RASGRP3: variants seen among roughly 807,000 people sequenced by gnomAD.
RASGRP3 encodes RAS guanyl releasing protein 3, also known as ras guanyl-releasing protein 3.
RASGRP3 carries 54 observed loss-of-function variants against 82.7 expected under a neutral mutation model. That is an observed-to-expected ratio of 0.65 (90% CI 0.52 to 0.82). The LOEUF is 0.82. Ranked by LOEUF, RASGRP3 falls within the 40% of genes least tolerant of loss-of-function variation. The pLI, the probability that RASGRP3 is intolerant of heterozygous loss-of-function variation, is 0.00. For synonymous variants in RASGRP3, 309 were observed against 300.5 expected, an observed-to-expected ratio of 1.03 and a Z score of -0.29; for missense variants, 861 against 828.9, an observed-to-expected ratio of 1.04 and a Z score of -0.48.
chr2:33,562,392 C>A (rs1676770736), intron 17 of RASGRP3, among the ~76,000 whole-genome samples: 1 of 151,976 alleles, frequency 6.6e-6, no homozygotes, highest in African/African-American at 2.4e-5. Context: ...CTCAGCCTCC[C>A]AAGTAGCTGG....
At chr2:33,478,594 C>G (rs1667590469) in intron 1 of RASGRP3, among the ~76,000 whole-genome samples, 1 of 152,124 alleles carries the variant, frequency 6.6e-6, no homozygotes, top group Non-Finnish European at 1.5e-5. Flanking sequence ...TTGAAAAACC[C>G]ATGCCTTTTC....
At chr2:33,561,499 A>G (rs1323853964) in intron 17 of RASGRP3, among the ~76,000 whole-genome samples, 1 of 152,216 alleles carries the variant, frequency 6.6e-6, no homozygotes, top group Non-Finnish European at 1.5e-5. Flanking sequence ...GTACCATTCA[A>G]ATCAGTAACA....
chr2:33,478,176 G>A (rs1384899612), intron 1 of RASGRP3, among the ~76,000 whole-genome samples: 4 of 152,140 alleles, frequency 2.6e-5, no homozygotes, highest in Admixed American at 1.3e-4. Context: ...AAGCAGTTTC[G>A]GATGCCCTGT....
At chr2:33,557,709 C>T (rs1370606029) in intron 15 of RASGRP3, among the ~76,000 whole-genome samples, 6 of 135,808 alleles carry the variant, frequency 4.4e-5, no homozygotes, top group African/African-American at 1.7e-4. Context: ...GACTCCATCT[C>T]GAAAAAAAAA....
chr2:33,521,819 C>T, intron 6 of RASGRP3, 136 bp from the exon 7 acceptor site: 12 of 1,066,428 alleles, frequency 1.1e-5, no homozygotes, highest in South Asian at 1.7e-5. Context: ...TTTTCTCTTC[C>T]AATATGAAAG....
intron 2 of RASGRP3, among the ~76,000 whole-genome samples, chr2:33,448,774 A>G (rs568041463): frequency 2.0e-5 from 3 of 152,282 alleles, no homozygotes; most frequent in South Asian, 2.1e-4. Context: ...TGTAATTAAT[A>G]CCACTGAATA....
chr2:33,544,307 C>G (rs570030968), intron 13 of RASGRP3, among the ~76,000 whole-genome samples: 5 of 151,480 alleles, frequency 3.3e-5, no homozygotes, highest in African/African-American at 1.2e-4. Context: ...GAGTGAGACT[C>G]TGTCTCAAAA....
At chr2:33,496,453 T>C (rs1390835147) in intron 1 of RASGRP3, among the ~76,000 whole-genome samples, 1 of 152,200 alleles carries the variant, frequency 6.6e-6, no homozygotes, top group Non-Finnish European at 1.5e-5. Flanking sequence ...GTGAATATGG[T>C]CCTTAATAAA....
At chr2:33,538,637 G>C (rs1274949778) in intron 11 of RASGRP3, among the ~76,000 whole-genome samples, 2 of 152,108 alleles carry the variant, frequency 1.3e-5, no homozygotes, top group African/African-American at 4.8e-5. Context: ...TGTTTTATAA[G>C]CATTTAATAG....
chr2:33,507,806 G>A lies in RASGRP3; in HGVS notation c.-260-3904G>A, dbSNP rs149776686. Among the ~76,000 whole-genome samples, 410 of 152,332 alleles carry A rather than the reference G, an allele frequency of 2.7e-3. 2 individuals are homozygous for A. Among genetic ancestry groups the A allele is most frequent in the African/African-American group, 9.2e-3 (384 of 41,588 alleles). On this transcript the variant is annotated intron_variant, in intron 1 of 17. Coordinates refer to ENST00000403687, the MANE Select transcript of RASGRP3 (RefSeq NM_001139488.2). ...CTCCCAAAGTGCTGGGATTACAGGC[G>A]TGAGCCACCGTGCCTGGCCCATATC...
At chr2:33,540,881 T>C (rs1315723845) in intron 12 of RASGRP3, among the ~76,000 whole-genome samples, 1 of 146,140 alleles carries the variant, frequency 6.8e-6, no homozygotes, top group African/African-American at 2.4e-5. Flanking sequence ...AAGGTAATGT[T>C]TTCTGATTTT....
rs150924220 is a variant in RASGRP3 at position 33,440,501 on chromosome 2, C to T, written c.-385+3910C>T. ...GCCTCTGGCTCTAGATTCACTTTCT[C>T]CATCTGCAAAGAGCTAAGGGCGCCA... is the stretch of plus-strand genomic sequence containing the variant. On this transcript the variant is annotated intron_variant, in intron 1 of 18. Transcript: ENST00000402538. Among the ~76,000 whole-genome samples, 703 of 152,320 alleles carry T rather than the reference C, an allele frequency of 4.6e-3. 5 individuals carry two copies. The highest frequency in any genetic ancestry group is 8.5e-3 in the Non-Finnish European group (580 of 68,036).
intron 2 of RASGRP3, among the ~76,000 whole-genome samples, chr2:33,464,293 GTATTTTA>G (rs969525615): frequency 6.7e-6 from 1 of 150,110 alleles, no homozygotes; most frequent in African/African-American, 2.4e-5. Flanking sequence ...TAATTTTTTT[GTATTTTA>G]GTAGAGTCGG....
intron 2 of RASGRP3, among the ~76,000 whole-genome samples, chr2:33,463,697 C>T (rs1250451958): frequency 6.8e-6 from 1 of 147,304 alleles, no homozygotes; most frequent in Non-Finnish European, 1.5e-5. Context: ...CTCCCAGGTT[C>T]AAGCGATTCT....
chr2:33,521,682 C>G (rs1672049546), intron 6 of RASGRP3, among the ~76,000 whole-genome samples: 2 of 152,204 alleles, frequency 1.3e-5, no homozygotes, highest in African/African-American at 2.4e-5. Context: ...CCCGACCTTT[C>G]CTGTATGATC....
chr2:33,528,096 T>G (rs1672757417), intron 10 of RASGRP3, among the ~76,000 whole-genome samples: 1 of 152,138 alleles, frequency 6.6e-6, no homozygotes, highest in Non-Finnish European at 1.5e-5. Context: ...TCTGGAGCAT[T>G]CTCTCTCCCC....
intron 2 of RASGRP3, 103 bp from the exon 3 acceptor site, chr2:33,514,907 A>T: frequency 1.9e-6 from 1 of 526,244 alleles, no homozygotes; most frequent in Non-Finnish European, 3.4e-6. Context: ...TTGTACAAAG[A>T]TACAGTCTAT....
chr2:33,532,871 T>C (rs1226109079), intron 10 of RASGRP3: 1 of 152,194 alleles, frequency 6.6e-6, no homozygotes, highest in Non-Finnish European at 1.5e-5. Context: ...TACTGATAAA[T>C]ATTTGTTGAA....
At chr2:33,510,491 G>A (rs576530003) in intron 1 of RASGRP3, among the ~76,000 whole-genome samples, 1 of 152,226 alleles carries the variant, frequency 6.6e-6, no homozygotes, top group Admixed American at 6.5e-5. Context: ...AGGCTGCTTG[G>A]CCCCCTAATA....
Sources: allele counts gnomAD v4.1 joint callset (sites outside exome capture counted in the v4.1 genomes callset), GRCh38; gene constraint gnomAD v4.1.1; transcripts MANE v1.5; gene names NCBI Gene and HGNC (gene_info 2026-07-23, HGNC 2026-07-21).